Variants in RALGPS1 observed in about 807,000 individuals in gnomAD.
The protein encoded by RALGPS1 is ras-specific guanine nucleotide-releasing factor RalGPS1.
Under a neutral mutation model 78.8 loss-of-function variants are expected in RALGPS1, and 19 were observed. That is an observed-to-expected ratio of 0.24 (90% CI 0.17 to 0.35). The LOEUF (loss-of-function observed/expected upper bound fraction) is 0.35, where lower values mean the gene tolerates loss of function less well. Ranked by LOEUF, RALGPS1 falls within the 10% of genes least tolerant of loss-of-function variation. The pLI is 1.00. For missense variants in RALGPS1, 454 were observed against 688.3 expected, an observed-to-expected ratio of 0.66 and a Z score of 3.81; for synonymous variants, 228 against 256.3, an observed-to-expected ratio of 0.89 and a Z score of 1.06.
intron 8 of RALGPS1, among the ~76,000 whole-genome samples, chr9:127,121,053 CTGGCA>C (rs2056028656): frequency 6.6e-6 from 1 of 152,268 alleles, no homozygotes; most frequent in Admixed American, 6.5e-5. Context: ...AGTCCTGGTC[CTGGCA>C]CTTACTAGCC....
intron 7 of RALGPS1, among the ~76,000 whole-genome samples, chr9:127,068,383 C>G (rs1017253624): frequency 6.6e-6 from 1 of 152,088 alleles, no homozygotes; most frequent in Non-Finnish European, 1.5e-5. Context: ...GGAAAGAGAC[C>G]TGGTGTAGCT....
chr9:127,090,268 C>A (rs1236343282), intron 8 of RALGPS1, among the ~76,000 whole-genome samples: 6 of 152,234 alleles, frequency 3.9e-5, no homozygotes, highest in Non-Finnish European at 2.9e-5. Context: ...GAGTTTGGAT[C>A]ATAGAATACA....
At chr9:127,174,041 C>G (rs1286086235) in intron 10 of RALGPS1, among the ~76,000 whole-genome samples, 1 of 151,864 alleles carries the variant, frequency 6.6e-6, no homozygotes, top group Non-Finnish European at 1.5e-5. Flanking sequence ...GCGGGCAGAT[C>G]ATAAGGTCAA....
rs895433137 is a variant in RALGPS1 at position 127,212,302 on chromosome 9, T to C, written c.1353+66T>C. 4.8e-6 allele frequency: 6 copies of C among 1,263,038 alleles called. No individual in the cohort carries two copies. Among genetic ancestry groups the C allele is most frequent in the African/African-American group, 3.0e-5 (2 of 66,770 alleles). The allele number at this position is 1,263,038 out of a possible 1,614,324, so 78.2% of individuals were successfully genotyped here. ...CACATCTGTAAATAGTGCCCACTCC[T>C]AGAGGTCTCAGCAAAAGTCACATGC... On this transcript the variant is annotated intron_variant, in intron 15 of 18. Coordinates refer to ENST00000259351, the MANE Select transcript of RALGPS1 (RefSeq NM_014636.3). This position sits in a 1 kb window ranked among gnomAD's most constrained non-coding sequence, Gnocchi z 6.0.
chr9:127,034,635 CA>C, intron 5 of RALGPS1, 121 bp downstream of exon 5: 1 of 798,072 alleles, frequency 1.3e-6, no homozygotes, highest in Non-Finnish European at 2.2e-6. Flanking sequence ...TCCAGCTTCT[CA>C]TATGAGTCCC....
chr9:127,195,228 G>T lies in RALGPS1; in HGVS notation c.1037+11G>T. ...CAGCCTAGGCAACAAGTGGGTGACT[G>T]AGCAAGCCCTCCCGCCGGGCTTCAG... On this transcript the variant is annotated intron_variant, in intron 12 of 18. Transcript: ENST00000259351. 1.2e-6 allele frequency: 2 copies of T among 1,607,672 alleles called. No homozygotes were observed. Among genetic ancestry groups the T allele is most frequent in the Non-Finnish European group, 1.7e-6 (2 of 1,179,786 alleles).
At chr9:126,921,123 T>C (rs1307759047) in intron 1 of RALGPS1, among the ~76,000 whole-genome samples, 3 of 152,236 alleles carry the variant, frequency 2.0e-5, no homozygotes, top group Non-Finnish European at 2.9e-5. Flanking sequence ...CGTGATGCTG[T>C]GGGAGAACCA....
At chr9:127,017,662 T>A (rs1411329319) in intron 4 of RALGPS1, among the ~76,000 whole-genome samples, 2 of 152,264 alleles carry the variant, frequency 1.3e-5, no homozygotes, top group African/African-American at 4.8e-5. Context: ...TAATAACACT[T>A]AGCTTAAAAC....
chr9:126,946,990 G>A (rs1419835538), intron 1 of RALGPS1, among the ~76,000 whole-genome samples: 1 of 152,112 alleles, frequency 6.6e-6, no homozygotes, highest in African/African-American at 2.4e-5. Flanking sequence ...TGTGGGAGAT[G>A]GGGACGCTCT....
intron 8 of RALGPS1, among the ~76,000 whole-genome samples, chr9:127,155,462 G>A (rs2058659357): frequency 6.6e-6 from 1 of 152,198 alleles, no homozygotes; most frequent in Admixed American, 6.5e-5. Flanking sequence ...GAGACAGAGG[G>A]CACATCAGGG....
At chr9:127,143,973 A>T (rs1483846739) in intron 8 of RALGPS1, among the ~76,000 whole-genome samples, 1 of 152,178 alleles carries the variant, frequency 6.6e-6, no homozygotes, top group Non-Finnish European at 1.5e-5. Flanking sequence ...ACAGCAGAGG[A>T]TGGATTAGGC....
At position 127,183,318 on chromosome 9, in the gene RALGPS1, C is replaced by T. The variant is rs2060406454; in HGVS notation, c.910+8536C>T. Among the ~76,000 whole-genome samples, 1 of 152,186 alleles carries T rather than the reference C, an allele frequency of 6.6e-6. No individual in the cohort carries two copies. Among genetic ancestry groups the T allele is most frequent in the South Asian group, 2.1e-4 (1 of 4,830 alleles). On this transcript the variant is annotated intron_variant, in intron 11 of 18. Coordinates refer to ENST00000259351, the MANE Select transcript of RALGPS1 (RefSeq NM_014636.3). The surrounding 1 kb of genome is among the most constrained non-coding windows in gnomAD (Gnocchi z 4.0). ...GGGTATTTCAGAGATTCCACAAGTC[C>T]CTTGACCCAGGCAGATGCAAACCTA...
chr9:127,011,116 G>T (rs1194462215), intron 4 of RALGPS1, among the ~76,000 whole-genome samples: 3 of 152,082 alleles, frequency 2.0e-5, no homozygotes, highest in Non-Finnish European at 4.4e-5. Context: ...GCAATGAGGG[G>T]GTTTGCCCTG....
rs746730260 is a variant in RALGPS1, at chr9:126,962,209, C to A, written c.-65-16C>A. 3 of 1,406,862 alleles carry A rather than the reference C, an allele frequency of 2.1e-6. No individual in the cohort carries two copies. Among genetic ancestry groups the A allele is most frequent in the Non-Finnish European group, 3.0e-6 (3 of 1,002,946 alleles). 87.1% of individuals were successfully genotyped at this position (1,406,862 alleles called of 1,614,324 possible). ...TGTTTTGAAGACTGATTTTTATGAG[C>A]CCCTTTGCCTTGCAGGACTTCTCCA... On this transcript the variant is annotated splice_polypyrimidine_tract_variant and intron_variant, in intron 1 of 18. Coordinates refer to ENST00000259351, the MANE Select transcript of RALGPS1 (RefSeq NM_014636.3).
chr9:127,046,891 GAAA>G (rs1285382880), intron 5 of RALGPS1, among the ~76,000 whole-genome samples: 1 of 150,520 alleles, frequency 6.6e-6, no homozygotes, highest in East Asian at 1.9e-4. Context: ...AAAGTTAACT[GAAA>G]AAAAGCAAAA....
intron 4 of RALGPS1, among the ~76,000 whole-genome samples, chr9:126,982,267 C>T (rs1291388929): frequency 6.6e-6 from 1 of 152,200 alleles, no homozygotes; most frequent in African/African-American, 2.4e-5. Flanking sequence ...GACTGCCTAC[C>T]ACAGGCCTCA....
chr9:126,977,644 A>G (rs776950640), intron 3 of RALGPS1, 51 bp from the exon 4 acceptor site: 85 of 1,275,886 alleles, frequency 6.7e-5, no homozygotes, highest in Non-Finnish European at 9.4e-5. Flanking sequence ...GTAACATGAC[A>G]GTTATCTTTG....
intron 1 of RALGPS1, among the ~76,000 whole-genome samples, chr9:126,953,523 G>A (rs1403921629): frequency 6.6e-6 from 1 of 152,184 alleles, no homozygotes; most frequent in African/African-American, 2.4e-5. Flanking sequence ...CTACCTCCCT[G>A]TGTAGTAGAT....
intron 5 of RALGPS1, among the ~76,000 whole-genome samples, chr9:127,041,325 C>T (rs907003958): frequency 2.0e-5 from 3 of 152,084 alleles, no homozygotes; most frequent in South Asian, 2.1e-4. Context: ...CTCCTGACCT[C>T]GTGATCTGCC....
Sources: allele counts gnomAD v4.1 joint callset (sites outside exome capture counted in the v4.1 genomes callset), GRCh38; gene constraint gnomAD v4.1.1; non-coding constraint Gnocchi (gnomAD v3.1); transcripts MANE v1.5; gene names NCBI Gene and HGNC (gene_info 2026-07-23, HGNC 2026-07-21).